ANKRD27: variants seen among roughly 807,000 people sequenced by gnomAD.
ANKRD27 encodes ankyrin repeat domain-containing protein 27.
ANKRD27 carries 112 observed loss-of-function variants against 129.7 expected under a neutral mutation model. The ratio of observed to expected loss-of-function variants is 0.86; its 90% CI spans 0.74 to 1.01. The LOEUF is 1.01. ANKRD27 is among the 50% of genes least tolerant of loss of function. The pLI is 0.00. For synonymous variants in ANKRD27, 516 were observed against 511.2 expected (o/e 1.01, Z -0.13); for missense variants, 1,258 against 1,300.5 (o/e 0.97, Z 0.50).
intron 5 of ANKRD27, among the ~76,000 whole-genome samples, 190 bp downstream of exon 5, chr19:32,644,135 A>G (rs1040847599): frequency 3.3e-5 from 5 of 152,152 alleles, no homozygotes; most frequent in Admixed American, 1.3e-4. Context: ...TCGGCCTCCC[A>G]AAGTGCTGGG....
At chr19:32,615,614 T>C (rs772512767) in intron 22 of ANKRD27, 44 bp downstream of exon 22, 1 of 1,613,696 alleles carries the variant, frequency 6.2e-7, no homozygotes, top group Admixed American at 1.7e-5. Flanking sequence ...AAAACAAAAA[T>C]TGCCTACATT....
chr19:32,650,421 G>A (rs553805530), intron 2 of ANKRD27, among the ~76,000 whole-genome samples: 19 of 151,970 alleles, frequency 1.3e-4, no homozygotes, highest in South Asian at 1.0e-3. Flanking sequence ...GGGTGGTGGC[G>A]CACGCCTGTA....
intron 1 of ANKRD27, chr19:32,672,731 C>T (rs145427572): frequency 0.012 from 1,803 of 152,486 alleles, 43 homozygotes; most frequent in African/African-American, 0.041. Flanking sequence ...ACAGCCCCTC[C>T]GAATGCCACC....
In ANKRD27 at chr19:32,600,332, G is replaced by A. The variant is rs1449147422; in HGVS notation, c.2768-282C>T. ...AGGTGGGCATATCACTTGAGGTCAG[G>A]AGTTCAAGACCAGCCTGGGCAACAT... On this transcript the variant is annotated intron_variant, in intron 26 of 28. Coordinates refer to ENST00000306065, the MANE Select transcript of ANKRD27 (RefSeq NM_032139.3). 1.9e-5 allele frequency: 5 copies of A among 268,092 alleles called. No homozygotes were observed. In the Admixed American group the frequency reaches 2.2e-4, roughly 12 times the overall value. 16.6% of individuals were successfully genotyped at this position (268,092 alleles called of 1,614,324 possible).
chr19:32,640,138 AT>A (rs544340251), intron 11 of ANKRD27, among the ~76,000 whole-genome samples, 168 bp downstream of exon 11: 98 of 151,930 alleles, frequency 6.5e-4, no homozygotes, highest in East Asian at 1.9e-3. Flanking sequence ...ATTTTTTTGT[AT>A]TTTTTAGTAG....
intron 24 of ANKRD27, 134 bp from the exon 25 acceptor site, chr19:32,604,558 G>A: frequency 1.1e-6 from 1 of 930,696 alleles, no homozygotes; most frequent in Non-Finnish European, 1.5e-6. Flanking sequence ...AATTTGGGGA[G>A]GAAAAGTAAT....
At chr19:32,640,844 T>C (rs1181335636) in intron 10 of ANKRD27, among the ~76,000 whole-genome samples, 1 of 152,136 alleles carries the variant, frequency 6.6e-6, no homozygotes, top group Non-Finnish European at 1.5e-5. Flanking sequence ...TTCAAGGATG[T>C]AGTGATCTAC....
Position 32,640,392 on chromosome 19 carries a change from A to G in ANKRD27, c.905-7T>C, listed in dbSNP as rs1967175945. 2 of 1,612,848 alleles carry G rather than the reference A, an allele frequency of 1.2e-6. No individual in the cohort carries two copies. Among genetic ancestry groups the G allele is most frequent in the Admixed American group, 3.3e-5 (2 of 59,998 alleles). On this transcript the variant is annotated splice_region_variant and splice_polypyrimidine_tract_variant and intron_variant, in intron 10 of 28. Coordinates refer to ENST00000306065, the MANE Select transcript of ANKRD27 (RefSeq NM_032139.3). ...CACATGGTCTCCAGGTTCACTGCAAAGGGGAAACACACATTCAATGCCATC... is the reference window on the plus strand; with the variant it reads ...CACATGGTCTCCAGGTTCACTGCAAGGGGGAAACACACATTCAATGCCATC...
In ANKRD27 at chr19:32,622,518, G is replaced by A. The variant is rs1239282764; in HGVS notation, c.1731C>T (p.Tyr577=). 6.2e-7 allele frequency: 1 copy of A among 1,614,040 alleles called. No individual in the cohort carries two copies. The highest frequency in any genetic ancestry group is 1.7e-5 in the Admixed American group (1 of 60,002). The change falls in exon 18 of 29, where the codon TAC becomes TAT. Residue 577 remains tyrosine (Y), a synonymous_variant. Coordinates refer to ENST00000306065, the MANE Select transcript of ANKRD27 (RefSeq NM_032139.3). The part of the protein sequence containing the change: ...TPLHIAARWG[Y]QGVIETLLQN... ...GCAGCAATGTCTCTATGACGCCTTGGTAGCCCCAGCGGGCAGCAATGTGTA... is the reference window on the plus strand; with the variant it reads ...GCAGCAATGTCTCTATGACGCCTTGATAGCCCCAGCGGGCAGCAATGTGTA...
intron 2 of ANKRD27, 128 bp from the exon 3 acceptor site, chr19:32,649,920 TC>T: frequency 1.5e-6 from 1 of 689,356 alleles, no homozygotes; most frequent in South Asian, 1.6e-5. Context: ...ACGCCCGAGG[TC>T]CCTTGCCAAC....
In ANKRD27 at chr19:32,646,676, C is replaced by A. The variant is rs28593733; in HGVS notation, c.214-61G>T. The A allele has an allele frequency of 0.013, 21,059 of 1,568,718 alleles. 1,155 individuals carry two copies. In the African/African-American group the frequency reaches 0.16, roughly 12 times the overall value. ...GGGGCAACCACATCCCACTCTCAGC[C>A]TGGCCCCCGATGCAGCACTTAACCA... On this transcript the variant is annotated intron_variant, in intron 3 of 28. Transcript: ENST00000306065.
Position 32,619,244 on chromosome 19 carries a change from C to A in ANKRD27, c.2007+16G>T. 1 of 1,605,470 alleles carries A rather than the reference C, an allele frequency of 6.2e-7. No individual in the cohort carries two copies. The highest frequency in any genetic ancestry group is 1.1e-5 in the South Asian group (1 of 90,452). On this transcript the variant is annotated intron_variant, in intron 20 of 28. Coordinates refer to ENST00000306065, the MANE Select transcript of ANKRD27 (RefSeq NM_032139.3). ...CCAAGGCCTCCCCTCCCCAGCCCTT[C>A]CTCTGGAAGCCTCACCTCTCTGTAG... is the stretch of plus-strand genomic sequence containing the variant.
chr19:32,648,798 CA>C (rs34589766), intron 3 of ANKRD27, among the ~76,000 whole-genome samples: 2,567 of 100,054 alleles, frequency 0.026, 109 homozygotes, highest in East Asian at 0.24. Flanking sequence ...GATTCCATCT[CA>C]AAAAAAAAAA....
intron 12 of ANKRD27, among the ~76,000 whole-genome samples, chr19:32,634,878 G>A (rs971133706): frequency 6.6e-6 from 1 of 152,084 alleles, no homozygotes; most frequent in African/African-American, 2.4e-5. Context: ...TTGCACCACT[G>A]CACTCCCGTC....
In ANKRD27 at chr19:32,622,437, A is replaced by T. The variant is rs1295010134; in HGVS notation, c.1812T>A (p.Cys604Ter). 1 of 1,613,002 alleles carries T rather than the reference A, an allele frequency of 6.2e-7. No individual in the cohort carries two copies. Among genetic ancestry groups the T allele is most frequent in the Non-Finnish European group, 8.5e-7 (1 of 1,179,882 alleles). The change falls in exon 18 of 29, where the codon TGT becomes TGA. Residue 604 changes from cysteine to a stop codon, truncating the protein, a stop_gained. Coordinates refer to ENST00000306065, the MANE Select transcript of ANKRD27 (RefSeq NM_032139.3). LOFTEE classifies it high-confidence loss of function. ...GAAGAGCTACCTTTGAGTTTAATGCACACTTGAGGGGCGTCTCCTTCAGTC... is the reference window on the plus strand; with the variant it reads ...GAAGAGCTACCTTTGAGTTTAATGCTCACTTGAGGGGCGTCTCCTTCAGTC... ...QNRLKETPLK[C>*]ALNSKILSVM...
intron 1 of ANKRD27, among the ~76,000 whole-genome samples, chr19:32,664,919 CAAAA>C (rs35300883): frequency 4.2e-5 from 4 of 95,912 alleles, no homozygotes; most frequent in African/African-American, 3.8e-5. Flanking sequence ...GACTCTGTCT[CAAAA>C]AAAAAAAAAA....
At chr19:32,632,938 G>A (rs1225361072) in intron 12 of ANKRD27, among the ~76,000 whole-genome samples, 2 of 152,166 alleles carry the variant, frequency 1.3e-5, no homozygotes, top group East Asian at 3.9e-4. Context: ...CCCCAGGAGG[G>A]TTAACTTAGC....
At chr19:32,609,721 CGTT>C (rs1392454415) in intron 22 of ANKRD27, among the ~76,000 whole-genome samples, 1 of 151,798 alleles carries the variant, frequency 6.6e-6, no homozygotes, top group African/African-American at 2.4e-5. Context: ...GTGAGGGAAA[CGTT>C]GTGTATCTTG....
intron 2 of ANKRD27, among the ~76,000 whole-genome samples, chr19:32,652,328 G>A (rs1599767308): frequency 6.6e-6 from 1 of 152,330 alleles, no homozygotes; most frequent in East Asian, 1.9e-4. Flanking sequence ...GGTGGCTCAC[G>A]CCTGTAATTC....
Sources: gnomAD v4.1 joint callset for allele counts (sites outside exome capture counted in the v4.1 genomes callset) on GRCh38, gnomAD v4.1.1 for gene constraint, MANE v1.5 for transcripts, NCBI Gene and HGNC (gene_info 2026-07-23, HGNC 2026-07-21) for gene names.